The following PSG8 variants were observed in gnomAD, a reference collection of about 807,000 sequenced individuals.
PSG8 encodes the protein pregnancy specific beta-1-glycoprotein 8.
Under a neutral mutation model 42.5 loss-of-function variants are expected in PSG8, and 57 were observed. That is an observed-to-expected ratio of 1.34 (90% CI 1.08 to 1.67). The LOEUF is 1.67. Ranked by LOEUF, PSG8 falls within the 40% of genes most tolerant of loss-of-function variation. The pLI, the probability that PSG8 is intolerant of heterozygous loss-of-function variation, is 0.00. For synonymous variants in PSG8, 280 were observed against 196.8 expected (o/e 1.42, Z -3.54); for missense variants, 783 against 518.6 (o/e 1.51, Z -4.95).
chr19:42,762,557 C>A lies in PSG8; in HGVS notation c.430+1359G>T, dbSNP rs546849589. Among the ~76,000 whole-genome samples the A allele has an allele frequency of 1.6e-4, 25 of 152,026 alleles. 1 individual carries two copies. The highest frequency in any genetic ancestry group is 2.4e-4 in the Non-Finnish European group (16 of 67,986). On this transcript the variant is annotated intron_variant, in intron 2 of 4. Coordinates refer to ENST00000306511, the MANE Select transcript of PSG8 (RefSeq NM_182707.3). Reference sequence around the variant, plus strand: ...CATTCCTTCATTTGTTATGTGAGAGCTCCTGAGTGTGTGTCTGTCTCGCTG... The same window carrying A: ...CATTCCTTCATTTGTTATGTGAGAGATCCTGAGTGTGTGTCTGTCTCGCTG...
intron 4 of PSG8, 135 bp downstream of exon 4, chr19:42,754,853 G>T: frequency 1.3e-6 from 2 of 1,527,618 alleles, no homozygotes; most frequent in South Asian, 2.6e-5. Context: ...TCCCAGGGCA[G>T]GGAGTCATGG....
chr19:42,753,580 A>G (rs1266789276), downstream of PSG8, among the ~76,000 whole-genome samples: 1 of 152,208 alleles, frequency 6.6e-6, no homozygotes, highest in Non-Finnish European at 1.5e-5. Context: ...AAGTGCAGCA[A>G]GAGTAGCAAT....
chr19:42,754,637 A>T (rs1260762891), intron 4 of PSG8, 50 bp from the exon 5 acceptor site: 2 of 1,575,294 alleles, frequency 1.3e-6, no homozygotes, highest in Non-Finnish European at 1.7e-6. Context: ...AGGGAAGGGG[A>T]TGTTCCTGGT....
rs190921232 is a variant in PSG8, at chr19:42,763,990, G to T, written c.356C>A (p.Ser119Tyr). 2.7e-4 allele frequency: 429 copies of T among 1,588,296 alleles called. 12 individuals carry two copies. In the Admixed American group the frequency reaches 7.2e-3, roughly 27 times the overall value. The change falls in exon 2 of 5, where the codon TCC (serine) becomes TAC (tyrosine). Residue 119 changes from serine (S) to tyrosine (Y), a missense_variant. Coordinates refer to ENST00000306511, the MANE Select transcript of PSG8 (RefSeq NM_182707.3). ...TCCCATTATGATGTGTAAGGTGTAG[G>T]ATCCTGCGTCTTCCTGGGTGACATT... ...IQNVTQEDAGSYTLHIIMGGD... is the reference protein window; with the variant it reads ...IQNVTQEDAGYYTLHIIMGGD...
At chr19:42,757,179 T>C (rs1007949191) in intron 3 of PSG8, among the ~76,000 whole-genome samples, 1 of 151,772 alleles carries the variant, frequency 6.6e-6, no homozygotes, top group African/African-American at 2.4e-5. Flanking sequence ...CTAGAAAGAG[T>C]GAAGGGGACA....
intron 2 of PSG8, among the ~76,000 whole-genome samples, chr19:42,759,271 G>T (rs1469786231): frequency 6.6e-6 from 1 of 152,084 alleles, no homozygotes; most frequent in Non-Finnish European, 1.5e-5. Context: ...CCTGATATCA[G>T]TGGATTCCAG....
chr19:42,762,290 A>T (rs1226352674), intron 2 of PSG8, among the ~76,000 whole-genome samples: 5 of 151,922 alleles, frequency 3.3e-5, no homozygotes, highest in African/African-American at 7.3e-5. Flanking sequence ...CTGACTTCAA[A>T]AACCCCAGGG....
chr19:42,764,427 CA>C (rs1306864829), intron 1 of PSG8, 146 bp from the exon 2 acceptor site: 2 of 1,374,292 alleles, frequency 1.5e-6, no homozygotes, highest in African/African-American at 1.5e-5. Context: ...CACACACACA[CA>C]AAAGCGGCAT....
chr19:42,759,649 T>C (rs1461450014), intron 2 of PSG8, among the ~76,000 whole-genome samples: 3 of 152,148 alleles, frequency 2.0e-5, no homozygotes, highest in Non-Finnish European at 1.5e-5. Context: ...TTTGGGATGC[T>C]CAATTTGTAA....
chr19:42,753,133 C>T, downstream of PSG8: 1 of 660,316 alleles, frequency 1.5e-6, no homozygotes, highest in Admixed American at 2.2e-5. Context: ...AAACTGTCCA[C>T]AGTGTGAAGT....
intron 2 of PSG8, chr19:42,758,664 G>C (rs577174040): frequency 1.7e-5 from 4 of 239,232 alleles, no homozygotes; most frequent in East Asian, 1.8e-4. Context: ...TTACTTTGCC[G>C]CCCAAGGTAT....
chr19:42,753,742 T>A (rs1969838341), downstream of PSG8, among the ~76,000 whole-genome samples: 1 of 152,202 alleles, frequency 6.6e-6, no homozygotes, highest in Admixed American at 6.5e-5. Context: ...ATTCTATCTA[T>A]ATCCTTAAAT....
At chr19:42,753,351 T>C (rs1277169996), downstream of PSG8, 2 of 779,562 alleles carry the variant, frequency 2.6e-6, no homozygotes, top group African/African-American at 1.7e-5. Flanking sequence ...TTGGAGGAAC[T>C]AGTAGAATTC....
Position 42,754,349 on chromosome 19 carries a change from C to G in PSG8, c.1227G>C (p.Met409Ile), listed in dbSNP as rs144735943. 10 of 1,613,666 alleles carry G rather than the reference C, an allele frequency of 6.2e-6. No individual in the cohort carries two copies. Among genetic ancestry groups the G allele is most frequent in the Admixed American group, 1.7e-5 (1 of 59,980 alleles). The change falls in exon 5 of 5, where the codon ATG becomes ATC. Residue 409 changes from methionine (M) to isoleucine (I), a missense_variant. Met to Ile is a conservative substitution (Grantham distance 10). Coordinates refer to ENST00000306511, the MANE Select transcript of PSG8 (RefSeq NM_182707.3). ...TCCGCTTACCAGAGACTTTTACTGT[C>G]ATGGATTTGGAGCTTTCCTTGCCAG... ...SATGKESSKS[M>I]TVKVSGKRIP...
chr19:42,753,312 TC>T, downstream of PSG8: 1 of 780,522 alleles, frequency 1.3e-6, no homozygotes, highest in Non-Finnish European at 2.4e-6. Context: ...TGGGTCTTTT[TC>T]TTAGCGATTC....
intron 4 of PSG8, 110 bp from the exon 5 acceptor site, chr19:42,754,697 C>T (rs1184966491): frequency 2.2e-6 from 3 of 1,363,548 alleles, no homozygotes; most frequent in African/African-American, 1.5e-5. Context: ...CCCTCAAGTC[C>T]CAGCCCAACC....
chr19:42,755,293 T>G (rs1300245214), intron 3 of PSG8, 27 bp from the exon 4 acceptor site: 1 of 1,596,158 alleles, frequency 6.3e-7, no homozygotes, highest in African/African-American at 1.3e-5. Context: ...GAGAAGATTG[T>G]CCTGTGTGGC....
At chr19:42,759,498 T>C (rs925696349) in intron 2 of PSG8, among the ~76,000 whole-genome samples, 3 of 152,152 alleles carry the variant, frequency 2.0e-5, no homozygotes, top group African/African-American at 7.2e-5. Flanking sequence ...TTTTGGAATA[T>C]TTGCAGTACA....
At chr19:42,761,775 T>C (rs1970080154) in intron 2 of PSG8, among the ~76,000 whole-genome samples, 1 of 151,760 alleles carries the variant, frequency 6.6e-6, no homozygotes, top group Admixed American at 6.6e-5. Flanking sequence ...TTGGCAGACT[T>C]GGAGTCGTTA....
Sources: gnomAD v4.1 joint callset for allele counts (sites outside exome capture counted in the v4.1 genomes callset) on GRCh38, gnomAD v4.1.1 for gene constraint, MANE v1.5 for transcripts, NCBI Gene and HGNC (gene_info 2026-07-23, HGNC 2026-07-21) for gene names.